The following EGFL7 variants were observed in gnomAD, a reference collection of about 807,000 sequenced individuals.
EGFL7 encodes the protein EGF like domain multiple 7, also known as epidermal growth factor-like protein 7.
A neutral mutation model predicts 37.1 loss-of-function variants in EGFL7; 48 were observed. The ratio of observed to expected loss-of-function variants is 1.29; its 90% CI spans 1.03 to 1.65. The LOEUF is 1.65. EGFL7 is among the 40% of genes most tolerant of loss of function. The probability of loss-of-function intolerance (pLI) is 0.00; values close to 1 mark genes in which losing one functional copy is unlikely to be tolerated. For missense variants in EGFL7, 384 were observed against 378.9 expected, an observed-to-expected ratio of 1.01 and a Z score of -0.11; for synonymous variants, 180 against 156.8, an observed-to-expected ratio of 1.15 and a Z score of -1.10.
At chr9:136,668,784 T>G in intron 5 of EGFL7, 111 bp downstream of exon 5, 1 of 1,020,900 alleles carries the variant, frequency 9.8e-7, no homozygotes, top group Non-Finnish European at 1.5e-6. Context: ...GATGGGAAAC[T>G]GAGGCCAGAG....
chr9:136,671,904 C>A, intron 9 of EGFL7, 22 bp from the exon 10 acceptor site: 2 of 1,477,050 alleles, frequency 1.4e-6, no homozygotes, highest in South Asian at 2.7e-5. Context: ...GGCCCAGGGT[C>A]ACTGCCCTTC....
rs1227495501 is a variant in EGFL7, at chr9:136,670,967, A to G, written c.589A>G (p.Lys197Glu). ...PNPTGVDSAM[K>E]EEVQRLQSRV... ...GCCCGCAGGAGTGGACAGTGCAATG[A>G]AGGAAGAAGTGCAGAGGCTGCAGTC... is the stretch of plus-strand genomic sequence containing the variant. Residue 197 changes from lysine to glutamate, a missense_variant, in exon 9 of 11, where the codon AAG becomes GAG. Lys to Glu is a moderately conservative substitution (Grantham distance 56). Transcript: ENST00000308874. The G allele has an allele frequency of 6.7e-7, 1 of 1,496,648 alleles. No individual in the cohort carries two copies. The highest frequency in any genetic ancestry group is 2.0e-5 in the Admixed American group (1 of 49,402). The allele number at this position is 1,496,648 out of a possible 1,614,324, so 92.7% of individuals were successfully genotyped here.
upstream of EGFL7, among the ~76,000 whole-genome samples, chr9:136,662,103 G>T (rs111978941): frequency 0.014 from 2,072 of 152,046 alleles, 51 homozygotes; most frequent in African/African-American, 0.047. Flanking sequence ...AGGCTGGGAC[G>T]CCGGGAATCT....
chr9:136,670,224 C>A lies in EGFL7; in HGVS notation c.465C>A (p.Thr155=), dbSNP rs140007747. 1 of 1,612,458 alleles carries A rather than the reference C, an allele frequency of 6.2e-7. No individual in the cohort carries two copies. Among genetic ancestry groups the A allele is most frequent in the Non-Finnish European group, 8.5e-7 (1 of 1,179,828 alleles). The change falls in exon 8 of 11, where the codon ACC becomes ACA. Residue 155 remains threonine (T), a synonymous_variant. Coordinates refer to ENST00000308874, the MANE Select transcript of EGFL7 (RefSeq NM_016215.5). ...GCTGTCCCCAGCGCTGCGTCAACACCGCCGGCAGTTACTGGTGCCAGTGTT... is the reference window on the plus strand; with the variant it reads ...GCTGTCCCCAGCGCTGCGTCAACACAGCCGGCAGTTACTGGTGCCAGTGTT... ...RGGCPQRCVN[T]AGSYWCQCWE... is the part of the protein sequence containing the mutation.
upstream of EGFL7, among the ~76,000 whole-genome samples, chr9:136,661,341 G>C (rs1012202188): frequency 6.6e-6 from 1 of 152,154 alleles, no homozygotes; most frequent in Non-Finnish European, 1.5e-5. Flanking sequence ...TGAGCCCCTG[G>C]GTGGGAGAGC....
rs1845996651 is a variant in EGFL7, at chr9:136,672,673, A to C, written c.*387A>C. 10 of 276,598 alleles carry C rather than the reference A, an allele frequency of 3.6e-5. No homozygotes were observed. The highest frequency in any genetic ancestry group is 7.2e-5 in the East Asian group (1 of 13,922). The allele number at this position is 276,598 out of a possible 1,614,324, so 17.1% of individuals were successfully genotyped here. ...TGACCCCCAGCACAATAAAAATGAA[A>C]CGTGAGCTGCTGTGTCAGTGGATGG... On this transcript the variant is annotated 3_prime_UTR_variant, in exon 11 of 11. Transcript: ENST00000308874.
chr9:136,665,236 C>T (rs1845385293), intron 3 of EGFL7, among the ~76,000 whole-genome samples: 2 of 152,362 alleles, frequency 1.3e-5, no homozygotes, highest in African/African-American at 4.8e-5. Context: ...GGCTAGGAGG[C>T]AGGCCTGGGC....
chr9:136,660,847 T>C (rs1325656616), upstream of EGFL7, among the ~76,000 whole-genome samples: 1 of 152,286 alleles, frequency 6.6e-6, no homozygotes, highest in Non-Finnish European at 1.5e-5. Flanking sequence ...ATCCCAGCCC[T>C]GTCCGGCCTC....
chr9:136,672,107 C>T lies in EGFL7; in HGVS notation c.799+19C>T. ...GGGTCCTGTGAGTGCCCCCACCCTC[C>T]AGAGCCCTCCTCCCGGGTCTGGGCC... On this transcript the variant is annotated intron_variant, in intron 10 of 10. Coordinates refer to ENST00000308874, the MANE Select transcript of EGFL7 (RefSeq NM_016215.5). 2 of 1,548,198 alleles carry T rather than the reference C, an allele frequency of 1.3e-6. No homozygotes were observed. The highest frequency in any genetic ancestry group is 1.7e-6 in the Non-Finnish European group (2 of 1,146,182).
At chr9:136,670,603 G>A in intron 8 of EGFL7, 1 of 774,378 alleles carries the variant, frequency 1.3e-6, no homozygotes, top group East Asian at 2.5e-5. Flanking sequence ...CCACGCCTCC[G>A]CTGGCGACGG....
Position 136,666,199 on chromosome 9 carries a change from G to T in EGFL7, c.-43+1414G>T, listed in dbSNP as rs1002807658. 3.3e-5 allele frequency among the ~76,000 whole-genome samples: 5 copies of T among 150,956 alleles called. No homozygotes were observed. The highest frequency in any genetic ancestry group is 4.8e-5 in the African/African-American group (2 of 41,334). ...CCCCGCGAACCCCGGAGCCAGCAGC[G>T]CGGCTGGGAGGGGGCGGCGGGCAGG... is the stretch of plus-strand genomic sequence containing the variant. On this transcript the variant is annotated intron_variant, in intron 3 of 10. Coordinates refer to ENST00000308874, the MANE Select transcript of EGFL7 (RefSeq NM_016215.5). The surrounding 1 kb of genome is among the most constrained non-coding windows in gnomAD (Gnocchi z 6.8).
rs1351366012 is a variant in EGFL7 at position 136,663,877 on chromosome 9, G to C, written c.-137+254G>C. Reference sequence around the variant, plus strand: ...CACTTTCCAAATGGTGCCTAGCCAGGATGGGGGCAGCGAGGGCTGAGTCGG... The same window carrying C: ...CACTTTCCAAATGGTGCCTAGCCAGCATGGGGGCAGCGAGGGCTGAGTCGG... On this transcript the variant is annotated intron_variant, in intron 2 of 10. Transcript: ENST00000308874. Among the ~76,000 whole-genome samples the C allele has an allele frequency of 7.2e-5, 11 of 152,344 alleles. No homozygotes were observed. The South Asian group carries it at 1.0e-3, about 14-fold the overall frequency.
chr9:136,669,960 T>A lies in EGFL7; in HGVS notation c.360T>A (p.Pro120=). The A allele has an allele frequency of 6.2e-7, 1 of 1,605,492 alleles. No individual in the cohort carries two copies. Among genetic ancestry groups the A allele is most frequent in the Non-Finnish European group, 8.5e-7 (1 of 1,175,986 alleles). The change falls in exon 7 of 11, where the codon CCT becomes CCA. Residue 120 remains proline (P), a synonymous_variant. Transcript: ENST00000308874. ...GGAACGGAGGGAGCTGTGTCCAGCC[T>A]GGCCGCTGCCGCTGCCCTGCAGGAT... is the stretch of plus-strand genomic sequence containing the variant. ...PCRNGGSCVQ[P]GRCRCPAGWR...
chr9:136,670,693 C>T (rs751137590), intron 8 of EGFL7: 18 of 773,058 alleles, frequency 2.3e-5, no homozygotes, highest in Middle Eastern at 2.3e-4. Context: ...GGCACCGCAT[C>T]GAAAACGCCG....
chr9:136,662,149 G>A (rs1229010116), upstream of EGFL7, among the ~76,000 whole-genome samples: 3 of 152,140 alleles, frequency 2.0e-5, no homozygotes, highest in African/African-American at 7.2e-5. Flanking sequence ...ACAGTGTCCC[G>A]CATCCCTCCC....
upstream of EGFL7, chr9:136,660,433 C>G (rs1178276755): frequency 6.6e-6 from 1 of 152,390 alleles, no homozygotes; most frequent in Admixed American, 6.5e-5. Flanking sequence ...GCCTCCTTCC[C>G]TTGGGGAGGG....
intron 6 of EGFL7, 44 bp downstream of exon 6, chr9:136,669,765 G>T (rs763414170): frequency 4.2e-5 from 63 of 1,492,876 alleles, no homozygotes; most frequent in Non-Finnish European, 5.5e-5. Context: ...GAGGGCGACT[G>T]TTCCCCAATC....
chr9:136,667,932 G>A (rs889205473), intron 3 of EGFL7, among the ~76,000 whole-genome samples: 2 of 152,206 alleles, frequency 1.3e-5, no homozygotes, highest in African/African-American at 4.8e-5. Context: ...CCCGTAGCTG[G>A]AGCCATCCTT....
chr9:136,670,960 T>C lies in EGFL7; in HGVS notation c.582T>C (p.Ser194=), dbSNP rs1233560035. Residue 194 remains serine (S), a synonymous_variant, in exon 9 of 11, where the codon AGT becomes AGC. Coordinates refer to ENST00000308874, the MANE Select transcript of EGFL7 (RefSeq NM_016215.5). ...TGGCTCTGCCCGCAGGAGTGGACAG[T>C]GCAATGAAGGAAGAAGTGCAGAGGC... ...RVAPNPTGVD[S]AMKEEVQRLQ... The C allele has an allele frequency of 1.3e-6, 2 of 1,491,012 alleles. No homozygotes were observed. Among genetic ancestry groups the C allele is most frequent in the Admixed American group, 2.1e-5 (1 of 47,632 alleles). 92.4% of individuals were successfully genotyped at this position (1,491,012 alleles called of 1,614,324 possible).
Sources: allele counts gnomAD v4.1 joint callset (sites outside exome capture counted in the v4.1 genomes callset), GRCh38; gene constraint gnomAD v4.1.1; non-coding constraint Gnocchi (gnomAD v3.1); transcripts MANE v1.5; gene names NCBI Gene and HGNC (gene_info 2026-07-23, HGNC 2026-07-21).